METTL22: variants seen among roughly 807,000 people sequenced by gnomAD.
The protein encoded by METTL22 is methyltransferase 22, Kin17 lysine.
Under a neutral mutation model 48.4 loss-of-function variants are expected in METTL22, and 51 were observed. The observed-to-expected ratio is 1.05, with a 90% CI of 0.84 to 1.33. METTL22 has a LOEUF of 1.33. Among genes scored for constraint, METTL22 ranks in the 40% most tolerant of loss-of-function variants. The pLI, the probability that METTL22 is intolerant of heterozygous loss-of-function variation, is 0.00. For missense variants in METTL22, 678 were observed against 526.9 expected (o/e 1.29, Z -2.81); for synonymous variants, 255 against 214.1 (o/e 1.19, Z -1.67).
chr16:8,656,432 A>G, the METTL22 span, among the ~76,000 whole-genome samples: 1 of 152,224 alleles, frequency 6.6e-6, no homozygotes, highest in Admixed American at 6.5e-5. Flanking sequence ...CACCAACTGC[A>G]CAACTAACTA....
At chr16:8,635,923 TCTG>T (rs1304687730) in intron 5 of METTL22, among the ~76,000 whole-genome samples, 1 of 152,250 alleles carries the variant, frequency 6.6e-6, no homozygotes, top group Non-Finnish European at 1.5e-5. Context: ...AGCACTGTAT[TCTG>T]CTGAAAATGT....
At chr16:8,658,032 G>T in the METTL22 span, among the ~76,000 whole-genome samples, 2 of 152,106 alleles carry the variant, frequency 1.3e-5, no homozygotes. Context: ...GCCCAGGCTG[G>T]TCTCAAACTC....
intron 5 of METTL22, among the ~76,000 whole-genome samples, chr16:8,637,361 G>A (rs764538410): frequency 3.9e-5 from 6 of 152,180 alleles, no homozygotes; most frequent in African/African-American, 7.2e-5. Flanking sequence ...GAGTCAAGCC[G>A]TCCAAGAGCT....
At chr16:8,664,662 T>C in the METTL22 span, among the ~76,000 whole-genome samples, 899 of 152,172 alleles carry the variant, frequency 5.9e-3, 8 homozygotes, top group Non-Finnish European at 0.01. Flanking sequence ...GGTCTCCTTA[T>C]GTTGCCTGGG....
chr16:8,642,407 G>T lies in METTL22; in HGVS notation c.908-56G>T, dbSNP rs2241102. The T allele has an allele frequency of 4.5e-6, 7 of 1,552,900 alleles. No individual in the cohort carries two copies. In the African/African-American group the frequency reaches 5.4e-5, roughly 12 times the overall value. The stretch of plus-strand genomic sequence containing the variant: ...TCTGTGCGGATTGCTCTGAAAAGTC[G>T]ATTTCTGTAATATTTGCGTGTTTTC... On this transcript the variant is annotated intron_variant, in intron 8 of 10. Transcript: ENST00000381920.
At chr16:8,623,284 C>G (rs1033962176) in intron 1 of METTL22, among the ~76,000 whole-genome samples, 3 of 150,852 alleles carry the variant, frequency 2.0e-5, no homozygotes, top group African/African-American at 7.3e-5. Flanking sequence ...GCACTCTAGC[C>G]TGGGCAACAG....
intron 9 of METTL22, among the ~76,000 whole-genome samples, chr16:8,643,274 G>A (rs1413761774): frequency 2.6e-5 from 4 of 152,160 alleles, no homozygotes; most frequent in African/African-American, 9.7e-5. Context: ...CAATAATACC[G>A]AGGGCTTGCT....
At position 8,624,664 on chromosome 16, in the gene METTL22, G is replaced by C. The variant is rs115970826; in HGVS notation, c.-170-832G>C. On this transcript the variant is annotated intron_variant, in intron 1 of 10. Coordinates refer to ENST00000381920, the MANE Select transcript of METTL22 (RefSeq NM_024109.4). ...GAGGATGGCTTGAGCCCAAGAATTT[G>C]AGACCAGCCTGGGAAACATAGTGAG... is the stretch of plus-strand genomic sequence containing the variant. 1.5e-3 allele frequency among the ~76,000 whole-genome samples: 226 copies of C among 151,940 alleles called. 1 individual carries two copies. The highest frequency in any genetic ancestry group is 5.0e-3 in the African/African-American group (206 of 41,422).
the METTL22 span, among the ~76,000 whole-genome samples, chr16:8,659,323 A>G: frequency 8.1e-4 from 121 of 149,588 alleles, no homozygotes; most frequent in African/African-American, 2.8e-3. Context: ...AGAATGAGGA[A>G]AAAAAAAAAA....
intron 10 of METTL22, chr16:8,644,935 C>G: frequency 2.1e-6 from 1 of 482,756 alleles, no homozygotes; most frequent in Non-Finnish European, 3.6e-6. Context: ...GGAGACGGGC[C>G]TACAGGCGAA....
chr16:8,662,541 C>T, the METTL22 span, among the ~76,000 whole-genome samples: 1 of 144,300 alleles, frequency 6.9e-6, no homozygotes, highest in Non-Finnish European at 1.5e-5. Flanking sequence ...TTCTTTGGAG[C>T]GTTTCTTCTA....
In METTL22 at chr16:8,639,165, G is replaced by T; in HGVS notation, c.772+3G>T. 4 of 1,613,970 alleles carry T rather than the reference G, an allele frequency of 2.5e-6. No homozygotes were observed. Among genetic ancestry groups the T allele is most frequent in the Non-Finnish European group, 3.4e-6 (4 of 1,179,982 alleles). On this transcript the variant is annotated splice_donor_region_variant and intron_variant, in intron 6 of 10. Coordinates refer to ENST00000381920, the MANE Select transcript of METTL22 (RefSeq NM_024109.4). Reference sequence around the variant, plus strand: ...CAGCCACCTGGCTGCCACTGGAGGTGAGGCCCAGGGGGTCTTCTGCCAGGG... The same window carrying T: ...CAGCCACCTGGCTGCCACTGGAGGTTAGGCCCAGGGGGTCTTCTGCCAGGG...
At position 8,647,429 on chromosome 16, in the gene METTL22, T is replaced by C. The variant is rs190844162; in HGVS notation, c.*1286T>C. 6.6e-6 allele frequency: 1 copy of C among 152,372 alleles called. No homozygotes were observed. Among genetic ancestry groups the C allele is most frequent in the African/African-American group, 2.4e-5 (1 of 41,578 alleles). The allele number at this position is 152,372 out of a possible 1,614,324, so 9.4% of individuals were successfully genotyped here. ...CATATTGTTGAATGAATTGCTAATGTAAGTTACTAATTAGGTCATTATTTC... is the reference window on the plus strand; with the variant it reads ...CATATTGTTGAATGAATTGCTAATGCAAGTTACTAATTAGGTCATTATTTC... On this transcript the variant is annotated 3_prime_UTR_variant, in exon 11 of 11. Transcript: ENST00000381920.
chr16:8,652,937 CTG>C (rs929862375), downstream of METTL22, among the ~76,000 whole-genome samples: 4 of 152,180 alleles, frequency 2.6e-5, no homozygotes, highest in African/African-American at 4.8e-5. Flanking sequence ...GATGATGATG[CTG>C]TGTTTCCTGT....
At position 8,642,201 on chromosome 16, in the gene METTL22, G is replaced by A. The variant is rs2056640617; in HGVS notation, c.901G>A (p.Ala301Thr). ...LYDHTTILFAAEVFYDDDLTD... is the reference protein window; with the variant it reads ...LYDHTTILFATEVFYDDDLTD... ...CGATCACACCACCATCCTGTTTGCA[G>A]CCGAAGGTAAGAAAATTTCTCCTTC... The change falls in exon 8 of 11, where the codon GCC becomes ACC. Residue 301 changes from alanine to threonine, a missense_variant. Coordinates refer to ENST00000381920, the MANE Select transcript of METTL22 (RefSeq NM_024109.4). 2.5e-6 allele frequency: 4 copies of A among 1,612,924 alleles called. No individual in the cohort carries two copies. Among genetic ancestry groups the A allele is most frequent in the African/African-American group, 1.3e-5 (1 of 74,904 alleles).
intron 3 of METTL22, among the ~76,000 whole-genome samples, chr16:8,633,826 A>G (rs1731051): frequency 0.99 from 150,455 of 152,360 alleles, 74,321 homozygotes; most frequent in Middle Eastern, 1. Flanking sequence ...AACTTTACAA[A>G]CAGTAATGCT....
At chr16:8,629,693 C>G (rs73493603) in intron 3 of METTL22, among the ~76,000 whole-genome samples, 1,901 of 152,060 alleles carry the variant, frequency 0.013, 45 homozygotes, top group African/African-American at 0.044. Flanking sequence ...TGGACAGATA[C>G]TCAGAGGTGG....
chr16:8,642,516 G>T lies in METTL22; in HGVS notation c.961G>T (p.Ala321Ser). 1 of 1,614,182 alleles carries T rather than the reference G, an allele frequency of 6.2e-7. No individual in the cohort carries two copies. Among genetic ancestry groups the T allele is most frequent in the Non-Finnish European group, 8.5e-7 (1 of 1,180,040 alleles). Reference protein sequence around the residue: ...DAVFKTLSRLAHRLKNACTAI... With the variant: ...DAVFKTLSRLSHRLKNACTAI... ...TGTGTTTAAAACGCTCTCCCGACTC[G>T]CCCACAGATTGAAAAATGCCTGCAC... Residue 321 changes from alanine to serine, a missense_variant, in exon 9 of 11, where the codon GCC (alanine) becomes TCC (serine). Transcript: ENST00000381920.
chr16:8,632,412 C>G (rs1434708261), intron 3 of METTL22, among the ~76,000 whole-genome samples: 1 of 152,186 alleles, frequency 6.6e-6, no homozygotes, highest in Non-Finnish European at 1.5e-5. Context: ...CACTTCGTTA[C>G]CCAGGCTGGT....
Sources: gnomAD v4.1 joint callset for allele counts (sites outside exome capture counted in the v4.1 genomes callset) on GRCh38, gnomAD v4.1.1 for gene constraint, MANE v1.5 for transcripts, NCBI Gene and HGNC (gene_info 2026-07-23, HGNC 2026-07-21) for gene names.